GPC5: variants seen among roughly 807,000 people sequenced by gnomAD.
The protein encoded by GPC5 is glypican 5, also known as glypican-5.
In GPC5, 47 loss-of-function variants were observed where a neutral mutation model predicts 53.9. That is an observed-to-expected ratio of 0.87 (90% CI 0.69 to 1.11). The LOEUF (loss-of-function observed/expected upper bound fraction) is 1.11. Among genes scored for constraint, GPC5 ranks in the 50% most tolerant of loss-of-function variants. The probability of loss-of-function intolerance (pLI) is 0.00; values close to 1 mark genes in which losing one functional copy is unlikely to be tolerated. For missense variants in GPC5, 748 were observed against 713.1 expected (o/e 1.05, Z -0.56); for synonymous variants, 286 against 263.3 (o/e 1.09, Z -0.84).
intron 2 of GPC5, among the ~76,000 whole-genome samples, chr13:91,640,062 A>G (rs2034386455): frequency 6.6e-6 from 1 of 152,074 alleles, no homozygotes; most frequent in Admixed American, 6.6e-5. Flanking sequence ...TAATACCCAT[A>G]AAAGCTAGCT....
chr13:92,262,819 A>T (rs1296638156), intron 7 of GPC5, among the ~76,000 whole-genome samples: 2 of 152,188 alleles, frequency 1.3e-5, no homozygotes, highest in Non-Finnish European at 2.9e-5. Context: ...AAACTAAAAA[A>T]GGTTGAGACT....
At chr13:92,138,934 A>G (rs1180767082) in intron 6 of GPC5, among the ~76,000 whole-genome samples, 1 of 152,156 alleles carries the variant, frequency 6.6e-6, no homozygotes, top group Non-Finnish European at 1.5e-5. Context: ...AAAATAACAG[A>G]CTTTTTGCAA....
At chr13:92,549,186 G>C (rs1882226094) in intron 7 of GPC5, among the ~76,000 whole-genome samples, 1 of 152,044 alleles carries the variant, frequency 6.6e-6, no homozygotes, top group South Asian at 2.1e-4. Flanking sequence ...ATTCTGCAAA[G>C]ATAAGAGTAT....
At chr13:91,982,383 G>C (rs1167667712) in intron 6 of GPC5, among the ~76,000 whole-genome samples, 1 of 151,874 alleles carries the variant, frequency 6.6e-6, no homozygotes, top group East Asian at 1.9e-4. Context: ...TACACTAATG[G>C]TTAATTAAAT....
chr13:92,803,319 A>G (rs1566425568), intron 7 of GPC5, among the ~76,000 whole-genome samples: 2 of 151,920 alleles, frequency 1.3e-5, no homozygotes, highest in African/African-American at 4.8e-5. Flanking sequence ...ATTACACCCT[A>G]TCTACAGATC....
intron 5 of GPC5, among the ~76,000 whole-genome samples, chr13:91,897,335 C>CTGTGTGTGTG (rs34783532): frequency 2.0e-3 from 273 of 139,424 alleles, no homozygotes; most frequent in East Asian, 0.015. Context: ...ATAGAGAATG[C>CTGTGTGTGTG]TGTGTGTGTG....
chr13:92,633,762 A>G (rs1044599405), intron 7 of GPC5, among the ~76,000 whole-genome samples: 1 of 152,128 alleles, frequency 6.6e-6, no homozygotes, highest in African/African-American at 2.4e-5. Context: ...TACTTTAAAA[A>G]ATTACTAATG....
intron 7 of GPC5, among the ~76,000 whole-genome samples, chr13:92,758,044 G>GCC (rs1380079327): frequency 3.3e-5 from 5 of 150,660 alleles, no homozygotes; most frequent in Non-Finnish European, 7.4e-5. Flanking sequence ...TATGTTTATT[G>GCC]TGGCACTATT....
chr13:91,431,794 C>T (rs1260471190), intron 1 of GPC5, among the ~76,000 whole-genome samples: 3 of 152,124 alleles, frequency 2.0e-5, no homozygotes, highest in African/African-American at 7.2e-5. Context: ...TGGGCTGATG[C>T]CAAAGGAAGT....
chr13:92,588,063 T>C (rs1055735754), intron 7 of GPC5, among the ~76,000 whole-genome samples: 2 of 152,066 alleles, frequency 1.3e-5, no homozygotes, highest in Non-Finnish European at 2.9e-5. Context: ...GTCCTAATGC[T>C]CTCCCTCCCC....
rs549308220 is a variant in GPC5, at chr13:91,556,012, G to T, written c.325+107090G>T. Among the ~76,000 whole-genome samples the T allele has an allele frequency of 2.0e-5, 3 of 152,082 alleles. No individual in the cohort carries two copies. In the South Asian group the frequency reaches 6.2e-4, roughly 32 times the overall value. ...TATCACCAGCTCATTGGAACACCAA[G>T]GTGTAGAATGTTTCCATCACCATGA... On this transcript the variant is annotated intron_variant, in intron 2 of 7. Coordinates refer to ENST00000377067, the MANE Select transcript of GPC5 (RefSeq NM_004466.6).
intron 2 of GPC5, among the ~76,000 whole-genome samples, chr13:91,515,413 G>T (rs947289639): frequency 1.3e-5 from 2 of 152,064 alleles, no homozygotes; most frequent in African/African-American, 4.8e-5. Flanking sequence ...TTTGTGCCAG[G>T]CATCTTCCTC....
chr13:92,598,047 T>C (rs959144797), intron 7 of GPC5, among the ~76,000 whole-genome samples: 1 of 152,206 alleles, frequency 6.6e-6, no homozygotes. Flanking sequence ...TCAAGGTTCC[T>C]AGGTCATTCC....
chr13:92,661,767 A>G (rs1336010481), intron 7 of GPC5, among the ~76,000 whole-genome samples: 2 of 152,206 alleles, frequency 1.3e-5, no homozygotes. Flanking sequence ...TTTATTGTCA[A>G]GTTGTTTTTC....
intron 5 of GPC5, among the ~76,000 whole-genome samples, chr13:91,815,508 T>C (rs2038385828): frequency 6.6e-6 from 1 of 152,206 alleles, no homozygotes. Context: ...CAAAAAATGA[T>C]ATAGACGCTG....
chr13:92,507,206 A>G (rs1230518275), intron 7 of GPC5, among the ~76,000 whole-genome samples: 1 of 152,106 alleles, frequency 6.6e-6, no homozygotes, highest in African/African-American at 2.4e-5. Context: ...TTACTCAACC[A>G]TCCCATCCAC....
At chr13:91,485,514 G>A (rs540885924) in intron 2 of GPC5, among the ~76,000 whole-genome samples, 72 of 152,232 alleles carry the variant, frequency 4.7e-4, no homozygotes, top group Non-Finnish European at 6.9e-4. Context: ...CACTGCGCCC[G>A]GCCGGCCCTT....
intron 7 of GPC5, among the ~76,000 whole-genome samples, chr13:92,158,600 G>T (rs999696390): frequency 1.3e-5 from 2 of 150,880 alleles, no homozygotes; most frequent in Non-Finnish European, 1.5e-5. Flanking sequence ...TTCACGCCCC[G>T]CATTTAATAA....
intron 7 of GPC5, among the ~76,000 whole-genome samples, chr13:92,192,312 T>C (rs772153576): frequency 6.6e-5 from 10 of 152,144 alleles, no homozygotes; most frequent in Non-Finnish European, 1.3e-4. Context: ...AACTGATAAA[T>C]GGGGAAGGTG....
Sources: gnomAD v4.1 joint callset for allele counts (sites outside exome capture counted in the v4.1 genomes callset) on GRCh38, gnomAD v4.1.1 for gene constraint, MANE v1.5 for transcripts, NCBI Gene and HGNC (gene_info 2026-07-23, HGNC 2026-07-21) for gene names.